LARP4: variants seen among roughly 807,000 people sequenced by gnomAD.
LARP4 encodes the protein La ribonucleoprotein 4, also known as la-related protein 4.
In LARP4, 29 loss-of-function variants were observed where a neutral mutation model predicts 92.9. The observed-to-expected ratio is 0.31, with a 90% CI of 0.23 to 0.43. The LOEUF is 0.43. LARP4 is among the 20% of genes least tolerant of loss of function. The pLI is 1.00. For missense variants in LARP4, 732 were observed against 860.0 expected (o/e 0.85, Z 1.86); for synonymous variants, 279 against 284.1 (o/e 0.98, Z 0.18).
intron 7 of LARP4, among the ~76,000 whole-genome samples, chr12:50,441,087 A>G (rs1013756210): frequency 4.6e-5 from 7 of 151,794 alleles, no homozygotes; most frequent in Non-Finnish European, 7.4e-5. Context: ...GTTTCACCAT[A>G]TTGGTCAGGC....
intron 4 of LARP4, among the ~76,000 whole-genome samples, chr12:50,431,778 A>G (rs569694667): frequency 3.3e-5 from 5 of 152,116 alleles, no homozygotes; most frequent in Non-Finnish European, 7.4e-5. Flanking sequence ...CCGGGGAGGT[A>G]GAGATTGCAG....
intron 1 of LARP4, among the ~76,000 whole-genome samples, chr12:50,406,808 C>T (rs1052793473): frequency 6.6e-6 from 1 of 151,644 alleles, no homozygotes; most frequent in Non-Finnish European, 1.5e-5. Flanking sequence ...TGTCTGCCTC[C>T]TGGGTTCAAG....
At position 50,431,997 on chromosome 12, in the gene LARP4, G is replaced by A. The variant is rs144480398; in HGVS notation, c.398+1427G>A. On this transcript the variant is annotated intron_variant, in intron 4 of 15. Transcript: ENST00000398473. ...CTACGAAAATACAAAAATTAGCGGG[G>A]TGTGGTAGCGTGGCCCTGTAGTTCC... is the stretch of plus-strand genomic sequence containing the variant. 4.0e-3 allele frequency among the ~76,000 whole-genome samples: 615 copies of A among 152,270 alleles called. 5 individuals are homozygous for A. Among genetic ancestry groups the A allele is most frequent in the African/African-American group, 0.014 (577 of 41,544 alleles).
At chr12:50,462,548 CCCCA>C in intron 11 of LARP4, 30 bp from the exon 12 acceptor site, 1 of 1,152,216 alleles carries the variant, frequency 8.7e-7, no homozygotes, top group Non-Finnish European at 1.3e-6. Flanking sequence ...TGTCCCTCCA[CCCCA>C]CCCCACCCCC....
At chr12:50,445,257 ATTTTCCATTCTT>A (rs1337958118) in intron 8 of LARP4, among the ~76,000 whole-genome samples, 1 of 151,982 alleles carries the variant, frequency 6.6e-6, no homozygotes, top group Non-Finnish European at 1.5e-5. Flanking sequence ...AGCTAAAATT[ATTTTCCATTCTT>A]TTAAGATACC....
Position 50,462,643 on chromosome 12 carries a change from A to G in LARP4, c.1383+13A>G. The G allele has an allele frequency of 6.4e-7, 1 of 1,556,850 alleles. No individual in the cohort carries two copies. The highest frequency in any genetic ancestry group is 8.8e-7 in the Non-Finnish European group (1 of 1,137,878). On this transcript the variant is annotated intron_variant, in intron 12 of 15. Transcript: ENST00000398473. ...TGACAGGATCTCAGTAAGTTTTTTAAAACTTTTATTCAGACTTTTTTCTCT... is the reference window on the plus strand; with the variant it reads ...TGACAGGATCTCAGTAAGTTTTTTAGAACTTTTATTCAGACTTTTTTCTCT...
chr12:50,451,878 C>T (rs764856528), intron 8 of LARP4, among the ~76,000 whole-genome samples: 2 of 151,946 alleles, frequency 1.3e-5, no homozygotes, highest in Non-Finnish European at 2.9e-5. Flanking sequence ...TTGGTGGGTG[C>T]CTCTAATCCC....
chr12:50,433,393 A>G (rs2137278950), intron 4 of LARP4, among the ~76,000 whole-genome samples: 1 of 151,626 alleles, frequency 6.6e-6, no homozygotes, highest in East Asian at 1.9e-4. Context: ...CAGCTGGGTA[A>G]TTGACATTTG....
intron 1 of LARP4, among the ~76,000 whole-genome samples, chr12:50,426,687 GTGTGTGT>G (rs1565986386): frequency 0.016 from 1,276 of 81,020 alleles, 44 homozygotes; most frequent in African/African-American, 0.054. Flanking sequence ...TGTTTGGGGT[GTGTGTGT>G]GTGTGTGTGT....
At position 50,421,503 on chromosome 12, in the gene LARP4, A is replaced by G. The variant is rs907070626; in HGVS notation, c.19-6259A>G. 1.1e-4 allele frequency among the ~76,000 whole-genome samples: 17 copies of G among 151,942 alleles called. No individual in the cohort carries two copies. In the East Asian group the frequency reaches 3.1e-3, roughly 28 times the overall value. On this transcript the variant is annotated intron_variant, in intron 1 of 15. Transcript: ENST00000398473. ...CTAAAAATACAAAAATTAGCCGGGC[A>G]TGGTGGCACACGCCTGTAATCCCAG...
At chr12:50,431,232 C>T (rs939645948) in intron 4 of LARP4, among the ~76,000 whole-genome samples, 3 of 152,012 alleles carry the variant, frequency 2.0e-5, no homozygotes, top group South Asian at 2.1e-4. Context: ...CGCACCATTG[C>T]GCTCCAGCCT....
intron 13 of LARP4, among the ~76,000 whole-genome samples, chr12:50,469,575 G>T (rs1956644616): frequency 7.6e-6 from 1 of 131,672 alleles, no homozygotes; most frequent in Admixed American, 9.2e-5. Flanking sequence ...CTGCACTCCA[G>T]CCTGGGCGAC....
At position 50,400,917 on chromosome 12, in the gene LARP4, C is replaced by G; in HGVS notation, c.-94C>G. 3.9e-6 allele frequency: 6 copies of G among 1,555,980 alleles called. No individual in the cohort carries two copies. Among genetic ancestry groups the G allele is most frequent in the Non-Finnish European group, 4.4e-6 (5 of 1,127,118 alleles). On this transcript the variant is annotated 5_prime_UTR_variant, in exon 1 of 16. Transcript: ENST00000398473. ...TCCACTGCCGGGTGGAGGGGCAAGGCGAGTGTGTGTCCTTATCCTAGCAAT... is the reference window on the plus strand; with the variant it reads ...TCCACTGCCGGGTGGAGGGGCAAGGGGAGTGTGTGTCCTTATCCTAGCAAT...
intron 5 of LARP4, among the ~76,000 whole-genome samples, chr12:50,436,190 A>G (rs1199203122): frequency 2.7e-4 from 40 of 148,534 alleles, no homozygotes; most frequent in Non-Finnish European, 5.9e-5. Flanking sequence ...ATATATATAT[A>G]TATATCCCGC....
intron 1 of LARP4, among the ~76,000 whole-genome samples, chr12:50,410,091 A>C (rs202180488): frequency 9.0e-6 from 1 of 111,312 alleles, no homozygotes; most frequent in African/African-American, 4.4e-5. Flanking sequence ...CACGCCCGGC[A>C]AAAAAAAAAA....
chr12:50,462,338 G>A (rs555869847), intron 11 of LARP4, among the ~76,000 whole-genome samples: 12 of 152,120 alleles, frequency 7.9e-5, no homozygotes, highest in Non-Finnish European at 1.5e-4. Context: ...AAATTAGCTG[G>A]GTGTGGCAAC....
intron 8 of LARP4, among the ~76,000 whole-genome samples, chr12:50,441,907 G>A (rs1017242847): frequency 6.6e-6 from 1 of 152,076 alleles, no homozygotes; most frequent in East Asian, 1.9e-4. Context: ...AAAATTAGCC[G>A]GGTGTTGTGG....
intron 8 of LARP4, among the ~76,000 whole-genome samples, chr12:50,451,516 G>A (rs1953184700): frequency 6.6e-6 from 1 of 152,094 alleles, no homozygotes; most frequent in Non-Finnish European, 1.5e-5. Flanking sequence ...TGGCCAACAT[G>A]GTGAAACCCC....
At chr12:50,447,439 T>TTA (rs1190783566) in intron 8 of LARP4, among the ~76,000 whole-genome samples, 2 of 152,230 alleles carry the variant, frequency 1.3e-5, no homozygotes, top group East Asian at 3.8e-4. Context: ...AATGGTCTGC[T>TTA]TTATAAATTT....
Sources: gnomAD v4.1 joint callset for allele counts (sites outside exome capture counted in the v4.1 genomes callset) on GRCh38, gnomAD v4.1.1 for gene constraint, MANE v1.5 for transcripts, NCBI Gene and HGNC (gene_info 2026-07-23, HGNC 2026-07-21) for gene names.